The following CCDC150 variants were observed in gnomAD, a reference collection of about 807,000 sequenced individuals.
CCDC150 encodes the protein coiled-coil domain-containing protein 150.
CCDC150 carries 151 observed loss-of-function variants against 156.5 expected under a neutral mutation model. That is an observed-to-expected ratio of 0.97 (90% confidence interval 0.85 to 1.10). CCDC150 has a LOEUF of 1.10. Ranked by LOEUF, CCDC150 falls within the 50% of genes least tolerant of loss-of-function variation. The probability of loss-of-function intolerance (pLI) is 0.00; values close to 1 mark genes in which losing one functional copy is unlikely to be tolerated. For missense variants in CCDC150, 1,312 were observed against 1,268.1 expected (o/e 1.03, Z -0.53); for synonymous variants, 452 against 429.4 (o/e 1.05, Z -0.65).
intron 13 of CCDC150, among the ~76,000 whole-genome samples, chr2:196,693,498 T>C (rs1481401237): frequency 1.3e-5 from 2 of 152,246 alleles, no homozygotes; most frequent in Non-Finnish European, 2.9e-5. Flanking sequence ...GATTTGCCCT[T>C]ATATCCTTCA....
rs376127384 is a variant in CCDC150 at position 196,730,051 on chromosome 2, A to G, written c.2915A>G (p.Asn972Ser). ...AKSQYDASVR[N>S]KQQELHLEAE... ...AGCCAATATGATGCCTCAGTGCGGAATAAACAGCAAGAGCTGCACCTAGAA... is the reference window on the plus strand; with the variant it reads ...AGCCAATATGATGCCTCAGTGCGGAGTAAACAGCAAGAGCTGCACCTAGAA... The change falls in exon 25 of 28, where the codon AAT (asparagine) becomes AGT (serine). Residue 972 changes from asparagine (N) to serine (S), a missense_variant. Transcript: ENST00000389175. 4.8e-5 allele frequency: 78 copies of G among 1,613,798 alleles called. 1 individual carries two copies. The highest frequency in any genetic ancestry group is 6.4e-5 in the Non-Finnish European group (75 of 1,179,852).
chr2:196,714,944 G>A (rs1196307956), intron 17 of CCDC150, among the ~76,000 whole-genome samples: 1 of 152,056 alleles, frequency 6.6e-6, no homozygotes, highest in Admixed American at 6.5e-5. Context: ...ATCCTTTTCT[G>A]TAGAAAAAGT....
chr2:196,705,324 A>C (rs919272759), intron 15 of CCDC150, among the ~76,000 whole-genome samples: 1 of 152,032 alleles, frequency 6.6e-6, no homozygotes, highest in East Asian at 1.9e-4. Context: ...GCATTTTTTC[A>C]TGTGTCTGTT....
intron 9 of CCDC150, among the ~76,000 whole-genome samples, chr2:196,673,481 G>A (rs1177520514): frequency 1.3e-5 from 2 of 152,098 alleles, no homozygotes; most frequent in Non-Finnish European, 2.9e-5. Flanking sequence ...TCTAACTACT[G>A]TACTGCCTGC....
intron 7 of CCDC150, among the ~76,000 whole-genome samples, chr2:196,668,691 TA>T (rs1339858712): frequency 1.8e-4 from 27 of 152,348 alleles, no homozygotes; most frequent in Admixed American, 1.5e-3. Context: ...TTAAAACATG[TA>T]ATTGTTTATC....
chr2:196,704,587 C>A (rs372042206), intron 15 of CCDC150, among the ~76,000 whole-genome samples: 5 of 152,028 alleles, frequency 3.3e-5, no homozygotes, highest in African/African-American at 4.8e-5. Flanking sequence ...TTCTAGGGTA[C>A]ATGTGCACAA....
intron 2 of CCDC150, among the ~76,000 whole-genome samples, chr2:196,653,792 CTGTGTTGCTTATTT>C (rs1328172582): frequency 2.0e-5 from 3 of 152,194 alleles, no homozygotes; most frequent in Non-Finnish European, 4.4e-5. Flanking sequence ...TACCAACATT[CTGTGTTGCTTATTT>C]TGTGTTGCTT....
intron 17 of CCDC150, chr2:196,713,424 C>T: frequency 4.5e-6 from 7 of 1,546,712 alleles, no homozygotes; most frequent in Non-Finnish European, 6.1e-6. Flanking sequence ...ATCTCTAGGT[C>T]CCATGTAAAC....
At chr2:196,677,429 T>G (rs1446222110) in intron 13 of CCDC150, 68 bp downstream of exon 13, 1 of 1,033,740 alleles carries the variant, frequency 9.7e-7, no homozygotes, top group Non-Finnish European at 1.5e-6. Context: ...CCGTATCAGC[T>G]TATCTTAATG....
chr2:196,721,705 A>G lies in CCDC150; in HGVS notation c.2429+14A>G. The G allele has an allele frequency of 6.4e-7, 1 of 1,567,562 alleles. No homozygotes were observed. The highest frequency in any genetic ancestry group is 8.6e-7 in the Non-Finnish European group (1 of 1,158,340). On this transcript the variant is annotated intron_variant, in intron 21 of 27. Coordinates refer to ENST00000389175, the MANE Select transcript of CCDC150 (RefSeq NM_001080539.2). ...GGAAACCTTCAAGTAAGAGCATTAT[A>G]GTTGCAGTAAAATTAGGGAAGCACC...
chr2:196,640,937 C>T (rs757501286), intron 1 of CCDC150, among the ~76,000 whole-genome samples: 3 of 151,904 alleles, frequency 2.0e-5, no homozygotes, highest in Admixed American at 6.6e-5. Context: ...AAAAGCCAGA[C>T]TTCTACAATG....
intron 13 of CCDC150, among the ~76,000 whole-genome samples, chr2:196,681,272 G>A (rs1377878946): frequency 6.6e-6 from 1 of 152,040 alleles, no homozygotes; most frequent in Non-Finnish European, 1.5e-5. Context: ...CTTCAACATT[G>A]TAGTATGTAT....
intron 13 of CCDC150, among the ~76,000 whole-genome samples, chr2:196,682,401 CTT>C (rs67136449): frequency 6.7e-6 from 1 of 148,770 alleles, no homozygotes; most frequent in Non-Finnish European, 1.5e-5. Context: ...AATCTTCCAA[CTT>C]TTTTTTTTGT....
intron 7 of CCDC150, among the ~76,000 whole-genome samples, chr2:196,668,224 G>A (rs1263228073): frequency 2.0e-5 from 3 of 149,530 alleles, no homozygotes; most frequent in African/African-American, 7.4e-5. Context: ...TTGAACCCAG[G>A]AGGCTGAGGT....
chr2:196,718,243 C>T (rs1697659023), intron 17 of CCDC150: 1 of 207,756 alleles, frequency 4.8e-6, no homozygotes, highest in Non-Finnish European at 9.5e-6. Flanking sequence ...TCCCATTTTA[C>T]ATCTCAGCTT....
At chr2:196,641,939 G>A (rs1039689398) in intron 1 of CCDC150, among the ~76,000 whole-genome samples, 1 of 152,088 alleles carries the variant, frequency 6.6e-6, no homozygotes, top group African/African-American at 2.4e-5. Context: ...AAGTCATCTG[G>A]TTTTTACTAG....
chr2:196,652,353 A>G (rs1011718867), intron 2 of CCDC150, among the ~76,000 whole-genome samples: 2 of 152,230 alleles, frequency 1.3e-5, no homozygotes, highest in African/African-American at 4.8e-5. Flanking sequence ...CTTCCAAGAT[A>G]CAATGTGGTA....
chr2:196,705,311 T>C (rs1696539773), intron 15 of CCDC150, among the ~76,000 whole-genome samples: 1 of 152,250 alleles, frequency 6.6e-6, no homozygotes, highest in African/African-American at 2.4e-5. Flanking sequence ...CCAGTGATGA[T>C]GAGCATTTTT....
intron 26 of CCDC150, 54 bp downstream of exon 26, chr2:196,730,999 C>G (rs1228634210): frequency 1.5e-6 from 2 of 1,299,310 alleles, no homozygotes; most frequent in African/African-American, 3.0e-5. Flanking sequence ...ACACAGCAAC[C>G]CTGAAGCAAC....
Sources: gnomAD v4.1 joint callset for allele counts (sites outside exome capture counted in the v4.1 genomes callset) on GRCh38, gnomAD v4.1.1 for gene constraint, MANE v1.5 for transcripts, NCBI Gene and HGNC (gene_info 2026-07-23, HGNC 2026-07-21) for gene names.